Variants in LIMCH1 observed in about 807,000 individuals in gnomAD.
LIMCH1 encodes LIM and calponin homology domains 1.
A neutral mutation model predicts 176.5 loss-of-function variants in LIMCH1; 113 were observed. That is an observed-to-expected ratio of 0.64 (90% CI 0.55 to 0.75). The LOEUF is 0.75. Among genes scored for constraint, LIMCH1 ranks in the 30% least tolerant of loss-of-function variants. LIMCH1 has a pLI of 0.00. For missense variants in LIMCH1, 1,674 were observed against 1,814.9 expected, an observed-to-expected ratio of 0.92 and a Z score of 1.41; for synonymous variants, 619 against 645.9, an observed-to-expected ratio of 0.96 and a Z score of 0.63.
At chr4:41,403,175 A>G (rs768650426) in intron 1 of LIMCH1, among the ~76,000 whole-genome samples, 3 of 152,000 alleles carry the variant, frequency 2.0e-5, no homozygotes, top group South Asian at 4.2e-4. Context: ...CAGCTATCCA[A>G]TAGACATTTT....
At chr4:41,629,133 A>G (rs2093162871) in intron 8 of LIMCH1, among the ~76,000 whole-genome samples, 1 of 152,160 alleles carries the variant, frequency 6.6e-6, no homozygotes, top group East Asian at 1.9e-4. Context: ...TCATCAGAAA[A>G]CCCGAATTCA....
At chr4:41,642,433 A>G (rs1008160352) in intron 14 of LIMCH1, among the ~76,000 whole-genome samples, 1 of 152,182 alleles carries the variant, frequency 6.6e-6, no homozygotes, top group East Asian at 1.9e-4. Flanking sequence ...TTTTCTACCT[A>G]ATCCTGCAAA....
At chr4:41,629,764 CT>C (rs1339750025) in intron 9 of LIMCH1, 30 bp downstream of exon 9, 2 of 1,517,862 alleles carry the variant, frequency 1.3e-6, no homozygotes, top group African/African-American at 1.4e-5. Flanking sequence ...CAGTTTCCCC[CT>C]GGCAGTCATG....
intron 22 of LIMCH1, 95 bp from the exon 23 acceptor site, chr4:41,676,287 G>T: frequency 1.2e-6 from 1 of 844,810 alleles, no homozygotes; most frequent in East Asian, 2.6e-5. Context: ...GTGTCAATCT[G>T]GGTGCCAGGC....
At chr4:41,465,486 G>T (rs2065978241) in intron 1 of LIMCH1, among the ~76,000 whole-genome samples, 2 of 152,106 alleles carry the variant, frequency 1.3e-5, no homozygotes, top group African/African-American at 4.8e-5. Flanking sequence ...CTCCAGTGTG[G>T]ATCACAATTC....
At chr4:41,605,782 A>T (rs1184851244) in intron 3 of LIMCH1, 112 bp from the exon 4 acceptor site, 7 of 613,520 alleles carry the variant, frequency 1.1e-5, no homozygotes, top group Non-Finnish European at 1.8e-5. Context: ...TTTAAAATCG[A>T]TGTAAATCAG....
intron 14 of LIMCH1, 43 bp from the exon 15 acceptor site, chr4:41,644,457 C>A (rs2093974445): frequency 2.1e-6 from 3 of 1,446,814 alleles, no homozygotes; most frequent in South Asian, 2.8e-5. Context: ...ACGCGACGGG[C>A]GCTGATCGCG....
chr4:41,686,477 A>T (rs1023621053), intron 28 of LIMCH1, among the ~76,000 whole-genome samples: 7 of 152,228 alleles, frequency 4.6e-5, no homozygotes, highest in Non-Finnish European at 1.0e-4. Flanking sequence ...ATTCAAAATG[A>T]ACCCTCAGTT....
chr4:41,479,149 G>A (rs1463189423), intron 1 of LIMCH1, among the ~76,000 whole-genome samples: 4 of 151,892 alleles, frequency 2.6e-5, no homozygotes, highest in South Asian at 2.1e-4. Flanking sequence ...CTATTTTTTC[G>A]GTCATTTCAA....
intron 1 of LIMCH1, among the ~76,000 whole-genome samples, chr4:41,367,879 A>G (rs1305369782): frequency 6.6e-6 from 1 of 151,118 alleles, no homozygotes; most frequent in Non-Finnish European, 1.5e-5. Flanking sequence ...AAAAAAAAAA[A>G]AAAAAAAGAA....
chr4:41,476,147 C>G (rs1582828834), intron 1 of LIMCH1, among the ~76,000 whole-genome samples: 1 of 152,076 alleles, frequency 6.6e-6, no homozygotes, highest in African/African-American at 2.4e-5. Flanking sequence ...CTCACAATTG[C>G]CTTTTATATC....
At chr4:41,575,006 T>C (rs569758720) in intron 1 of LIMCH1, among the ~76,000 whole-genome samples, 1 of 152,140 alleles carries the variant, frequency 6.6e-6, no homozygotes, top group South Asian at 2.1e-4. Context: ...GCTTTTTAAA[T>C]CCTACTGATG....
At chr4:41,695,673 T>G (rs1730107343) in intron 31 of LIMCH1, among the ~76,000 whole-genome samples, 1 of 152,176 alleles carries the variant, frequency 6.6e-6, no homozygotes, top group Admixed American at 6.5e-5. Context: ...TTTTCCTAAC[T>G]CTTCTCCCAT....
Position 41,595,899 on chromosome 4 carries a change from A to C in LIMCH1, c.-240-3021A>C, listed in dbSNP as rs2088669513. ...ACTTCATCTCTACTAAAAATACAGA[A>C]ATTAGCCAGGCATGGTGGCTCATGC... On this transcript the variant is annotated intron_variant, in intron 1 of 31. Coordinates refer to ENST00000503057, the MANE Select transcript of LIMCH1 (RefSeq NM_001330672.2). Among the ~76,000 whole-genome samples, 3 of 151,676 alleles carry C rather than the reference A, an allele frequency of 2.0e-5. No individual in the cohort carries two copies. In the South Asian group the frequency reaches 6.3e-4, roughly 32 times the overall value.
At chr4:41,459,086 A>C (rs1434327972) in intron 1 of LIMCH1, among the ~76,000 whole-genome samples, 2 of 152,204 alleles carry the variant, frequency 1.3e-5, no homozygotes, top group Non-Finnish European at 2.9e-5. Context: ...TTGGCACTGT[A>C]CAAGTTATGA....
At chr4:41,614,812 C>CA (rs1584888819) in intron 5 of LIMCH1, among the ~76,000 whole-genome samples, 1 of 152,120 alleles carries the variant, frequency 6.6e-6, no homozygotes, top group Admixed American at 6.5e-5. Flanking sequence ...TTACAAGTTA[C>CA]AAAAAAATCA....
chr4:41,498,463 C>G (rs1479228689), intron 2 of LIMCH1, among the ~76,000 whole-genome samples: 1 of 152,180 alleles, frequency 6.6e-6, no homozygotes, highest in Non-Finnish European at 1.5e-5. Context: ...ATACTCATGT[C>G]TCTCTTCCTC....
At chr4:41,424,631 A>G (rs1363793378) in intron 1 of LIMCH1, among the ~76,000 whole-genome samples, 4 of 152,218 alleles carry the variant, frequency 2.6e-5, no homozygotes, top group Non-Finnish European at 1.5e-5. Flanking sequence ...TTGAATAAAT[A>G]AAGACAATGC....
At chr4:41,694,128 G>A (rs1728572690) in intron 31 of LIMCH1, among the ~76,000 whole-genome samples, 1 of 152,052 alleles carries the variant, frequency 6.6e-6, no homozygotes, top group Non-Finnish European at 1.5e-5. Flanking sequence ...TGATTTGGAG[G>A]TAGGCCACAA....
Sources: allele counts gnomAD v4.1 joint callset (sites outside exome capture counted in the v4.1 genomes callset), GRCh38; gene constraint gnomAD v4.1.1; transcripts MANE v1.5; gene names NCBI Gene and HGNC (gene_info 2026-07-23, HGNC 2026-07-21).